The following GPCPD1 variants were observed in gnomAD, a reference collection of about 807,000 sequenced individuals.
The protein encoded by GPCPD1 is glycerophosphocholine phosphodiesterase GPCPD1.
In GPCPD1, 29 loss-of-function variants were observed where a neutral mutation model predicts 89.2. The observed-to-expected ratio is 0.33, with a 90% CI of 0.24 to 0.44. GPCPD1 has a LOEUF of 0.44. GPCPD1 is among the 20% of genes least tolerant of loss of function. The pLI is 1.00. For missense variants in GPCPD1, 594 were observed against 808.9 expected (o/e 0.73, Z 3.22); for synonymous variants, 258 against 266.3 (o/e 0.97, Z 0.30).
In GPCPD1 at chr20:5,604,443, A is replaced by G. The variant is rs374717404; in HGVS notation, c.-28-3T>C. On this transcript the variant is annotated splice_polypyrimidine_tract_variant and splice_region_variant and intron_variant, in intron 1 of 19. Coordinates refer to ENST00000379019, the MANE Select transcript of GPCPD1 (RefSeq NM_019593.5). ...TGGATTTATTTTATGATGTCGTGCT[A>G]GGAAAAAAAAGAAAAGTAACTTATA... 1.9e-5 allele frequency: 27 copies of G among 1,438,842 alleles called. No individual in the cohort carries two copies. The African/African-American group carries it at 2.4e-4, about 13-fold the overall frequency. 89.1% of individuals were successfully genotyped at this position (1,438,842 alleles called of 1,614,324 possible).
At chr20:5,594,164 G>A (rs1417549919) in intron 3 of GPCPD1, among the ~76,000 whole-genome samples, 2 of 152,184 alleles carry the variant, frequency 1.3e-5, no homozygotes, top group African/African-American at 2.4e-5. Flanking sequence ...TCCACAGCAT[G>A]GTCCCAGACC....
chr20:5,598,493 CT>C (rs1469979021), intron 3 of GPCPD1, among the ~76,000 whole-genome samples: 6 of 135,706 alleles, frequency 4.4e-5, no homozygotes, highest in African/African-American at 1.4e-4. Context: ...AAAAATACAT[CT>C]AAAAAAAAAA....
chr20:5,573,315 A>G (rs1986823492), intron 11 of GPCPD1, among the ~76,000 whole-genome samples: 2 of 151,988 alleles, frequency 1.3e-5, no homozygotes, highest in East Asian at 3.9e-4. Context: ...TGAACTCCCA[A>G]CCTCAGGTGA....
At chr20:5,564,352 C>G (rs1188366903) in intron 15 of GPCPD1, among the ~76,000 whole-genome samples, 1 of 151,612 alleles carries the variant, frequency 6.6e-6, no homozygotes, top group Non-Finnish European at 1.5e-5. Flanking sequence ...CAAAAACTGC[C>G]TCTCCCACCA....
chr20:5,573,657 T>C (rs1022807025), intron 11 of GPCPD1, among the ~76,000 whole-genome samples: 8 of 152,096 alleles, frequency 5.3e-5, no homozygotes, highest in African/African-American at 1.7e-4. Flanking sequence ...GTGGGAGGAA[T>C]GCCTGAGCCC....
intron 2 of GPCPD1, among the ~76,000 whole-genome samples, chr20:5,600,388 C>G (rs1033963074): frequency 6.6e-6 from 1 of 151,130 alleles, no homozygotes; most frequent in African/African-American, 2.4e-5. Context: ...AACCCTGTCT[C>G]TACTAAAAAT....
rs1377568511 is a variant in GPCPD1 at position 5,578,598 on chromosome 20, G to C, written c.487C>G (p.Leu163Val). ...KKSRFRVKLTLEGLEEDDDDR... is the reference protein window; with the variant it reads ...KKSRFRVKLTVEGLEEDDDDR... ...TCGTCATCTTCCTCCAGGCCTTCTA[G>C]TGTCAGCTTCACCCTACGTAATAAA... is the stretch of plus-strand genomic sequence containing the variant. The change falls in exon 8 of 20, where the codon CTA (leucine) becomes GTA (valine). Residue 163 changes from leucine (L) to valine (V), a missense_variant. Leu to Val is a conservative substitution (Grantham distance 32). Transcript: ENST00000379019. 3 of 1,606,430 alleles carry C rather than the reference G, an allele frequency of 1.9e-6. No homozygotes were observed. Among genetic ancestry groups the C allele is most frequent in the Non-Finnish European group, 2.6e-6 (3 of 1,172,996 alleles).
At chr20:5,571,890 C>G (rs969693392) in intron 11 of GPCPD1, among the ~76,000 whole-genome samples, 2 of 149,742 alleles carry the variant, frequency 1.3e-5, no homozygotes, top group African/African-American at 4.9e-5. Flanking sequence ...GCCTGAGTGA[C>G]AGAACAAAAC....
At chr20:5,563,008 A>G (rs1414404476) in intron 15 of GPCPD1, among the ~76,000 whole-genome samples, 1 of 148,346 alleles carries the variant, frequency 6.7e-6, no homozygotes, top group East Asian at 2.0e-4. Flanking sequence ...TTTGAGACGG[A>G]GTCTCGCTCT....
At chr20:5,566,660 G>A in intron 14 of GPCPD1, 73 bp downstream of exon 14, 1 of 865,620 alleles carries the variant, frequency 1.2e-6, no homozygotes, top group Non-Finnish European at 2.0e-6. Context: ...TCAAGTATGT[G>A]CTAAAATCGA....
chr20:5,557,430 T>C (rs538549443), intron 19 of GPCPD1, among the ~76,000 whole-genome samples: 32 of 152,342 alleles, frequency 2.1e-4, no homozygotes, highest in African/African-American at 7.5e-4. Context: ...AAAGATTTTC[T>C]ATCTGACTGG....
At chr20:5,595,640 CAAAACA>C (rs1555809483) in intron 3 of GPCPD1, among the ~76,000 whole-genome samples, 4,054 of 151,718 alleles carry the variant, frequency 0.027, 186 homozygotes, top group African/African-American at 0.093. Context: ...GATTCCATCT[CAAAACA>C]AAAACAAAAA....
rs1268516298 is a variant in GPCPD1, at chr20:5,610,986, C to T, written c.-173G>A. On this transcript the variant is annotated 5_prime_UTR_variant, in exon 1 of 20. Transcript: ENST00000379019. ...TGCCGCGGCGTCGAGCGGCAGGAAGCAGCCACGCTCAAACCGGTTTCAGCT... is the reference window on the plus strand; with the variant it reads ...TGCCGCGGCGTCGAGCGGCAGGAAGTAGCCACGCTCAAACCGGTTTCAGCT... The T allele has an allele frequency of 1.3e-5, 2 of 151,938 alleles. No homozygotes were observed. Among genetic ancestry groups the T allele is most frequent in the African/African-American group, 4.8e-5 (2 of 41,396 alleles). 9.4% of individuals were successfully genotyped at this position (151,938 alleles called of 1,614,324 possible). A position where few individuals can be genotyped will look rare whatever the true frequency, so the allele number is the denominator to read the frequency against.
intron 4 of GPCPD1, 107 bp downstream of exon 4, chr20:5,593,220 T>A (rs925214717): frequency 3.1e-6 from 2 of 646,520 alleles, no homozygotes; most frequent in Non-Finnish European, 5.6e-6. Flanking sequence ...GTTCTATTCC[T>A]TATTTGACCA....
At chr20:5,558,217 G>A in intron 18 of GPCPD1, 112 bp from the exon 19 acceptor site, 2 of 566,850 alleles carry the variant, frequency 3.5e-6, no homozygotes, top group South Asian at 3.3e-5. Context: ...AAAGAAAATG[G>A]TAGATTTTTT....
intron 19 of GPCPD1, among the ~76,000 whole-genome samples, chr20:5,556,645 C>G (rs931029049): frequency 1.3e-5 from 2 of 152,190 alleles, no homozygotes; most frequent in Non-Finnish European, 1.5e-5. Context: ...AAATGACATC[C>G]CTTCTAACCC....
intron 7 of GPCPD1, among the ~76,000 whole-genome samples, chr20:5,579,510 G>A (rs1978324416): frequency 6.6e-6 from 1 of 152,072 alleles, no homozygotes; most frequent in Non-Finnish European, 1.5e-5. Context: ...AGCATGCCCA[G>A]CTAAGTTTTG....
At chr20:5,561,272 T>C (rs992472115) in intron 16 of GPCPD1, among the ~76,000 whole-genome samples, 193 bp downstream of exon 16, 3 of 152,256 alleles carry the variant, frequency 2.0e-5, no homozygotes, top group African/African-American at 2.4e-5. Flanking sequence ...CATCATTAAT[T>C]TGAAATACTC....
intron 1 of GPCPD1, among the ~76,000 whole-genome samples, chr20:5,609,411 G>A (rs238292): frequency 0.7 from 105,967 of 152,082 alleles, 38,031 homozygotes; most frequent in African/African-American, 0.87. Flanking sequence ...ATGTTAAGAC[G>A]TTAATGGATC....
Sources: gnomAD v4.1 joint callset for allele counts (sites outside exome capture counted in the v4.1 genomes callset) on GRCh38, gnomAD v4.1.1 for gene constraint, MANE v1.5 for transcripts, NCBI Gene and HGNC (gene_info 2026-07-23, HGNC 2026-07-21) for gene names.